ACYP2: variants seen among roughly 807,000 people sequenced by gnomAD.
ACYP2 encodes acylphosphatase 2.
ACYP2 carries 12 observed loss-of-function variants against 11.2 expected under a neutral mutation model. That is an observed-to-expected ratio of 1.08 (90% CI 0.69 to 1.74). The LOEUF is 1.74. Ranked by LOEUF, ACYP2 falls within the 40% of genes most tolerant of loss-of-function variation. The pLI is 0.00. For missense variants in ACYP2, 134 were observed against 101.9 expected (o/e 1.31, Z -1.35); for synonymous variants, 43 against 32.2 (o/e 1.33, Z -1.13).
intron 4 of ACYP2, among the ~76,000 whole-genome samples, chr2:54,126,451 C>T (rs1366976615): frequency 2.0e-5 from 3 of 151,972 alleles, no homozygotes; most frequent in Non-Finnish European, 4.4e-5. Flanking sequence ...ACTCAAAAAG[C>T]CAGGATGTCA....
chr2:54,217,139 T>C (rs1164594905), intron 6 of ACYP2, among the ~76,000 whole-genome samples: 1 of 152,136 alleles, frequency 6.6e-6, no homozygotes, highest in Non-Finnish European at 1.5e-5. Context: ...TCTAGAAAAG[T>C]GCTGAAAAAC....
At chr2:53,995,344 T>C (rs1672519245) in intron 2 of ACYP2, among the ~76,000 whole-genome samples, 1 of 152,170 alleles carries the variant, frequency 6.6e-6, no homozygotes, top group African/African-American at 2.4e-5. Flanking sequence ...CATCCATATC[T>C]ACAGTGACCT....
intron 4 of ACYP2, among the ~76,000 whole-genome samples, chr2:54,127,390 A>G (rs1014523235): frequency 6.6e-6 from 1 of 152,150 alleles, no homozygotes; most frequent in Non-Finnish European, 1.5e-5. Flanking sequence ...TTATTTTTAA[A>G]CCAGTCAGTA....
rs187821778 is a variant in ACYP2, at chr2:54,122,224, G to C, written c.278-13229G>C. ...AAAAAATAGGATTTTACATGAAAAGGTGTTGACATTTAAAACTCATCACAG... is the reference window on the plus strand; with the variant it reads ...AAAAAATAGGATTTTACATGAAAAGCTGTTGACATTTAAAACTCATCACAG... On this transcript the variant is annotated intron_variant, in intron 4 of 6. Coordinates refer to ENST00000607452, the MANE Select transcript of ACYP2 (RefSeq NM_001320586.2). Among the ~76,000 whole-genome samples, 4 of 152,296 alleles carry C rather than the reference G, an allele frequency of 2.6e-5. No individual in the cohort carries two copies. In the East Asian group the frequency reaches 7.7e-4, roughly 29 times the overall value.
At chr2:54,235,201 C>G (rs1182205148) in intron 6 of ACYP2, among the ~76,000 whole-genome samples, 1 of 152,006 alleles carries the variant, frequency 6.6e-6, no homozygotes, top group Non-Finnish European at 1.5e-5. Flanking sequence ...TTATGCTAGC[C>G]TTGTAAGATG....
At chr2:54,077,544 C>G (rs1205548635) in intron 4 of ACYP2, among the ~76,000 whole-genome samples, 1 of 152,146 alleles carries the variant, frequency 6.6e-6, no homozygotes, top group East Asian at 1.9e-4. Flanking sequence ...TCAACAAGGG[C>G]AAGACAGCCA....
intron 4 of ACYP2, among the ~76,000 whole-genome samples, chr2:54,089,888 G>A (rs1219236357): frequency 6.6e-6 from 1 of 152,040 alleles, no homozygotes; most frequent in Non-Finnish European, 1.5e-5. Context: ...GCTCATACCT[G>A]TAATCCTAGC....
Position 54,301,132 on chromosome 2 carries a change from G to T in ACYP2, c.405-3556G>T, listed in dbSNP as rs529969685. Among the ~76,000 whole-genome samples, 16 of 152,224 alleles carry T rather than the reference G, an allele frequency of 1.1e-4. No individual in the cohort carries two copies. In the South Asian group the frequency reaches 3.3e-3, roughly 32 times the overall value. On this transcript the variant is annotated intron_variant, in intron 6 of 6. Transcript: ENST00000607452. ...ATAGTAAGAAAGTTGCAAATAAGTTGTTTCAGTTTGCTGTTTGTTTGGCTT... is the reference window on the plus strand; with the variant it reads ...ATAGTAAGAAAGTTGCAAATAAGTTTTTTCAGTTTGCTGTTTGTTTGGCTT...
chr2:54,188,311 A>G (rs1684097550), intron 6 of ACYP2, among the ~76,000 whole-genome samples: 1 of 152,196 alleles, frequency 6.6e-6, no homozygotes, highest in Non-Finnish European at 1.5e-5. Flanking sequence ...ACATGGAGAA[A>G]AGAATTTAGG....
chr2:54,286,676 C>T (rs1310430390), intron 6 of ACYP2, among the ~76,000 whole-genome samples: 1 of 152,020 alleles, frequency 6.6e-6, no homozygotes, highest in Admixed American at 6.5e-5. Flanking sequence ...TTTATACTTC[C>T]ATTTTCTCAG....
At chr2:54,116,560 A>T (rs1679809479) in intron 4 of ACYP2, among the ~76,000 whole-genome samples, 1 of 144,168 alleles carries the variant, frequency 6.9e-6, no homozygotes, top group Non-Finnish European at 1.5e-5. Flanking sequence ...ATATGTACAT[A>T]TATGCACATG....
chr2:54,284,316 G>C (rs184688666), intron 6 of ACYP2, among the ~76,000 whole-genome samples: 264 of 152,222 alleles, frequency 1.7e-3, no homozygotes, highest in African/African-American at 6.1e-3. Flanking sequence ...AGCTTCACTC[G>C]TCTCCTCAAC....
chr2:54,026,885 A>G (rs1278099120), intron 2 of ACYP2, among the ~76,000 whole-genome samples: 1 of 141,824 alleles, frequency 7.1e-6, no homozygotes, highest in African/African-American at 2.5e-5. Context: ...GAATGATACA[A>G]TGGACTTTAG....
At chr2:54,005,485 G>A (rs1406709463) in intron 2 of ACYP2, among the ~76,000 whole-genome samples, 7 of 152,024 alleles carry the variant, frequency 4.6e-5, no homozygotes, top group African/African-American at 1.4e-4. Flanking sequence ...GAGTACAGGC[G>A]TGTGCCACCA....
chr2:54,255,991 A>G, intron 6 of ACYP2: 1 of 1,614,150 alleles, frequency 6.2e-7, no homozygotes, highest in South Asian at 1.1e-5. Flanking sequence ...CTCCTCTGGA[A>G]GCCGGGGCGG....
intron 6 of ACYP2, among the ~76,000 whole-genome samples, chr2:54,154,924 A>G (rs1682363590): frequency 6.6e-6 from 1 of 152,188 alleles, no homozygotes; most frequent in African/African-American, 2.4e-5. Context: ...GAAAGTTTGT[A>G]TTATTGATTT....
At chr2:54,201,513 G>A (rs1396301051) in intron 6 of ACYP2, among the ~76,000 whole-genome samples, 1 of 151,998 alleles carries the variant, frequency 6.6e-6, no homozygotes, top group African/African-American at 2.4e-5. Context: ...TCTGTAGGCT[G>A]TTTTTTCACT....
chr2:54,193,996 T>C (rs1277031193), intron 6 of ACYP2, among the ~76,000 whole-genome samples: 1 of 152,228 alleles, frequency 6.6e-6, no homozygotes, highest in Admixed American at 6.5e-5. Flanking sequence ...ATAGGCATGA[T>C]ATATGAAGCC....
Position 54,038,647 on chromosome 2 carries a change from T to A in ACYP2, c.63-12311T>A, listed in dbSNP as rs181374473. 2.0e-3 allele frequency among the ~76,000 whole-genome samples: 270 copies of A among 133,678 alleles called. 6 individuals are homozygous for A. Among genetic ancestry groups the A allele is most frequent in the Non-Finnish European group, 3.8e-4 (24 of 62,402 alleles). The allele number at this position is 133,678 out of a possible 152,430, so 87.7% of individuals were successfully genotyped here. A position where few individuals can be genotyped will look rare whatever the true frequency, so the allele number is the denominator to read the frequency against. On this transcript the variant is annotated intron_variant, in intron 2 of 6. Transcript: ENST00000607452. Reference sequence around the variant, plus strand: ...ATTCTTTGCATACAGTAGGCATTCATTCATTCAATAAATCTTTATTGAATA... The same window carrying A: ...ATTCTTTGCATACAGTAGGCATTCAATCATTCAATAAATCTTTATTGAATA...
Sources: gnomAD v4.1 joint callset for allele counts (sites outside exome capture counted in the v4.1 genomes callset) on GRCh38, gnomAD v4.1.1 for gene constraint, MANE v1.5 for transcripts, NCBI Gene and HGNC (gene_info 2026-07-23, HGNC 2026-07-21) for gene names.